The following LEKR1 variants were observed in gnomAD, a reference collection of about 807,000 sequenced individuals.
LEKR1 encodes the protein protein LEKR1.
In LEKR1, 59 loss-of-function variants were observed where a neutral mutation model predicts 72.4. The ratio of observed to expected loss-of-function variants is 0.82; its 90% CI spans 0.66 to 1.01. The LOEUF is 1.01. Among genes scored for constraint, LEKR1 ranks in the 50% least tolerant of loss-of-function variants. The pLI is 0.00. For synonymous variants in LEKR1, 257 were observed against 263.2 expected (o/e 0.98, Z 0.23); for missense variants, 728 against 759.2 (o/e 0.96, Z 0.48).
chr3:157,002,600 A>G (rs773808289), intron 9 of LEKR1, among the ~76,000 whole-genome samples: 1 of 152,182 alleles, frequency 6.6e-6, no homozygotes, highest in Non-Finnish European at 1.5e-5. Context: ...GTCTCACTGA[A>G]GATTTCTTAG....
At chr3:156,907,771 A>G (rs1252689981) in intron 3 of LEKR1, among the ~76,000 whole-genome samples, 1 of 152,190 alleles carries the variant, frequency 6.6e-6, no homozygotes, top group African/African-American at 2.4e-5. Flanking sequence ...TAAGGAATTA[A>G]CATTGTTATA....
rs1256982859 is a variant in LEKR1, at chr3:156,893,718, T to C, written c.264-26857T>C. On this transcript the variant is annotated intron_variant, in intron 3 of 12. Coordinates refer to ENST00000356539, the MANE Select transcript of LEKR1 (RefSeq NM_001004316.3). ...GAAGTAGATGCTGAAACCATGCTCTTACAGCCTGTAGAACTGTGAACCAAT... is the reference window on the plus strand; with the variant it reads ...GAAGTAGATGCTGAAACCATGCTCTCACAGCCTGTAGAACTGTGAACCAAT... Among the ~76,000 whole-genome samples the C allele has an allele frequency of 5.9e-5, 9 of 152,228 alleles. No individual in the cohort carries two copies. In the East Asian group the frequency reaches 1.7e-3, roughly 29 times the overall value.
At chr3:156,916,217 T>C (rs1723629247) in intron 3 of LEKR1, among the ~76,000 whole-genome samples, 1 of 152,188 alleles carries the variant, frequency 6.6e-6, no homozygotes. Flanking sequence ...TTGTTCCTTT[T>C]GCTTAGAATT....
In LEKR1 at chr3:156,852,884, A is replaced by G. The variant is rs570609776; in HGVS notation, c.165A>G (p.Gln55=). Residue 55 remains glutamine, a synonymous_variant, in exon 3 of 13, where the codon CAA becomes CAG. Coordinates refer to ENST00000356539, the MANE Select transcript of LEKR1 (RefSeq NM_001004316.3). ...TGGAAAAAGAGATGAAATTTTATCAAGGAAGTGTAGATCGTGAAAAGAGAC... is the reference window on the plus strand; with the variant it reads ...TGGAAAAAGAGATGAAATTTTATCAGGGAAGTGTAGATCGTGAAAAGAGAC... ...KAMEKEMKFY[Q]GSVDREKRLQ... is the part of the protein sequence containing the mutation. The G allele has an allele frequency of 1.8e-5, 28 of 1,534,890 alleles. No individual in the cohort carries two copies. In the East Asian group the frequency reaches 6.4e-4, roughly 35 times the overall value.
chr3:156,895,888 A>T (rs750573949), intron 3 of LEKR1, among the ~76,000 whole-genome samples: 1 of 152,222 alleles, frequency 6.6e-6, no homozygotes, highest in African/African-American at 2.4e-5. Context: ...AAATCATTCT[A>T]TTATAAAGAC....
intron 5 of LEKR1, among the ~76,000 whole-genome samples, chr3:156,930,297 TA>T (rs1332940186): frequency 2.0e-5 from 3 of 152,138 alleles, no homozygotes; most frequent in Non-Finnish European, 4.4e-5. Context: ...AAATGCACCA[TA>T]AGTGACAAAT....
At chr3:156,889,098 G>T (rs554465299) in intron 3 of LEKR1, among the ~76,000 whole-genome samples, 1 of 151,912 alleles carries the variant, frequency 6.6e-6, no homozygotes, top group Admixed American at 6.6e-5. Flanking sequence ...AAAAAAGTTG[G>T]TTACTGAAGT....
chr3:156,885,628 A>T (rs1048937619), intron 3 of LEKR1, among the ~76,000 whole-genome samples: 4 of 152,028 alleles, frequency 2.6e-5, no homozygotes, highest in African/African-American at 9.7e-5. Context: ...CATCTTCAGG[A>T]CTCCCAGCCA....
intron 3 of LEKR1, among the ~76,000 whole-genome samples, chr3:156,883,018 G>T (rs58207863): frequency 4.6e-5 from 7 of 151,290 alleles, no homozygotes; most frequent in African/African-American, 1.2e-4. Context: ...GGGGGGAGGG[G>T]GGAGAGATAG....
At chr3:156,990,641 CT>C (rs1386796837) in intron 7 of LEKR1, among the ~76,000 whole-genome samples, 1 of 152,150 alleles carries the variant, frequency 6.6e-6, no homozygotes, top group Non-Finnish European at 1.5e-5. Flanking sequence ...TCATCAATTC[CT>C]TTCTTTTAAT....
Position 157,024,839 on chromosome 3 carries a change from C to G in LEKR1, c.1283C>G (p.Thr428Arg), listed in dbSNP as rs756277307. ...CAAGCTCTTCTCTTTAAGGAAGAAA[C>G]AAAATTGCAACTTGATATTGAAAAA... is the stretch of plus-strand genomic sequence containing the variant. ...EEQALLFKEE[T>R]KLQLDIEKEK... Residue 428 changes from threonine (T) to arginine (R), a missense_variant, in exon 11 of 13, where the codon ACA becomes AGA. Physicochemically the swap from Thr to Arg is moderately conservative, Grantham distance 71. Transcript: ENST00000356539. 5 of 1,610,986 alleles carry G rather than the reference C, an allele frequency of 3.1e-6. No homozygotes were observed. The highest frequency in any genetic ancestry group is 1.7e-5 in the Admixed American group (1 of 59,668).
chr3:156,952,461 A>G (rs201534839), intron 6 of LEKR1, among the ~76,000 whole-genome samples: 1 of 151,500 alleles, frequency 6.6e-6, no homozygotes, highest in East Asian at 1.9e-4. Context: ...TTTTCCTTCA[A>G]AAACGCTGTC....
chr3:156,952,089 T>C lies in LEKR1; in HGVS notation c.745+9375T>C, dbSNP rs556330323. On this transcript the variant is annotated intron_variant, in intron 6 of 12. Transcript: ENST00000356539. ...AATGATATATAGGGTTTTGATTTTATGAACTAGAAAAAGTAGGGAATTGAT... is the reference window on the plus strand; with the variant it reads ...AATGATATATAGGGTTTTGATTTTACGAACTAGAAAAAGTAGGGAATTGAT... Among the ~76,000 whole-genome samples the C allele has an allele frequency of 5.3e-5, 8 of 151,658 alleles. No individual in the cohort carries two copies. In the South Asian group the frequency reaches 1.7e-3, roughly 31 times the overall value.
intron 2 of LEKR1, among the ~76,000 whole-genome samples, chr3:156,830,712 A>T (rs1712269502): frequency 6.6e-6 from 1 of 152,202 alleles, no homozygotes; most frequent in Admixed American, 6.5e-5. Flanking sequence ...GTGAGCAGAG[A>T]GTGGTGAAAA....
At chr3:156,863,671 A>C (rs1717006721) in intron 3 of LEKR1, among the ~76,000 whole-genome samples, 1 of 152,140 alleles carries the variant, frequency 6.6e-6, no homozygotes, top group Non-Finnish European at 1.5e-5. Flanking sequence ...ATGGCTAAGC[A>C]AACACAAAGA....
At chr3:156,865,416 T>A (rs1358871040) in intron 3 of LEKR1, among the ~76,000 whole-genome samples, 20 of 152,070 alleles carry the variant, frequency 1.3e-4, no homozygotes, top group Admixed American at 1.1e-3. Context: ...ATAGATTTAA[T>A]AAAACATATG....
chr3:156,982,476 C>T (rs1730285776), intron 7 of LEKR1, among the ~76,000 whole-genome samples: 1 of 152,192 alleles, frequency 6.6e-6, no homozygotes, highest in African/African-American at 2.4e-5. Flanking sequence ...GAACCCTTTA[C>T]ATATCCTCTC....
intron 7 of LEKR1, among the ~76,000 whole-genome samples, chr3:156,991,471 A>G (rs1393798867): frequency 6.6e-6 from 1 of 152,154 alleles, no homozygotes; most frequent in Non-Finnish European, 1.5e-5. Flanking sequence ...GGCATTGATA[A>G]TCTTACATAA....
chr3:156,930,539 A>G (rs1725126355), intron 5 of LEKR1, among the ~76,000 whole-genome samples: 1 of 152,146 alleles, frequency 6.6e-6, no homozygotes, highest in Non-Finnish European at 1.5e-5. Context: ...TTAAGTATGT[A>G]TATTATAATT....
Sources: allele counts gnomAD v4.1 joint callset (sites outside exome capture counted in the v4.1 genomes callset), GRCh38; gene constraint gnomAD v4.1.1; transcripts MANE v1.5; gene names NCBI Gene and HGNC (gene_info 2026-07-23, HGNC 2026-07-21).